Variants in HTR2C observed in about 807,000 individuals in gnomAD.
The protein encoded by HTR2C is 5-hydroxytryptamine (serotonin) receptor 2C, G protein-coupled.
A neutral mutation model predicts 21.0 loss-of-function variants in HTR2C; 5 were observed. The observed-to-expected ratio is 0.24, with a 90% confidence interval of 0.12 to 0.50. The LOEUF (loss-of-function observed/expected upper bound fraction) is 0.50. Among genes scored for constraint, HTR2C ranks in the 20% least tolerant of loss-of-function variants. The pLI is 0.98. For missense variants in HTR2C, 271 were observed against 371.2 expected (o/e 0.73, Z 2.22); for synonymous variants, 150 against 145.3 (o/e 1.03, Z -0.23).
chrX:114,690,029 A>G (rs1170408357), intron 2 of HTR2C, among the ~76,000 whole-genome samples: 1 of 111,858 alleles, frequency 8.9e-6, no homozygotes, highest in Non-Finnish European at 1.9e-5. Flanking sequence ...TAATAGGAAC[A>G]GCAATGCTGA....
intron 4 of HTR2C, among the ~76,000 whole-genome samples, chrX:114,829,057 A>C (rs941496929): frequency 1.8e-5 from 2 of 111,807 alleles, no homozygotes; most frequent in African/African-American, 6.5e-5. Flanking sequence ...TACTTGCTTG[A>C]GTATCTATAA....
chrX:114,687,626 A>G (rs782704146), intron 2 of HTR2C, among the ~76,000 whole-genome samples: 274 of 112,259 alleles, frequency 2.4e-3, no homozygotes, highest in African/African-American at 8.1e-3. Flanking sequence ...GCTTAATATG[A>G]TCTATAAAGT....
intron 2 of HTR2C, among the ~76,000 whole-genome samples, chrX:114,643,881 G>A (rs1930229153): frequency 9.0e-6 from 1 of 111,605 alleles, no homozygotes; most frequent in Admixed American, 9.5e-5. Context: ...AAGTTCTTCA[G>A]CCAGTGTTTT....
At chrX:114,743,582 A>C (rs2069672972) in intron 4 of HTR2C, among the ~76,000 whole-genome samples, 1 of 111,815 alleles carries the variant, frequency 8.9e-6, no homozygotes. Context: ...GAATAGAAAC[A>C]CTGAGGAAAA....
intron 4 of HTR2C, among the ~76,000 whole-genome samples, chrX:114,798,516 G>A (rs1556445912): frequency 1.8e-5 from 2 of 111,593 alleles, no homozygotes; most frequent in Non-Finnish European, 1.9e-5. Flanking sequence ...ATGCTTTAAT[G>A]TCTAAAGTGT....
At chrX:114,695,383 A>G (rs1932248602) in intron 2 of HTR2C, among the ~76,000 whole-genome samples, 1 of 111,658 alleles carries the variant, frequency 9.0e-6, no homozygotes, top group African/African-American at 3.3e-5. Flanking sequence ...ATGAGTAGAG[A>G]CAAGAAACAA....
intron 5 of HTR2C, among the ~76,000 whole-genome samples, chrX:114,883,369 G>C (rs1224708541): frequency 4.5e-5 from 5 of 110,184 alleles, no homozygotes; most frequent in Non-Finnish European, 9.6e-5. Context: ...CTTTTCAAGA[G>C]TCAGCTTTAT....
At chrX:114,741,676 A>T (rs1322876168) in intron 4 of HTR2C, among the ~76,000 whole-genome samples, 1 of 104,098 alleles carries the variant, frequency 9.6e-6, no homozygotes, top group Admixed American at 1.1e-4. Context: ...ATGTGGGAAC[A>T]TTCAAACATT....
intron 4 of HTR2C, among the ~76,000 whole-genome samples, chrX:114,813,066 TA>T (rs1485304874): frequency 9.0e-6 from 1 of 111,709 alleles, no homozygotes; most frequent in African/African-American, 3.2e-5. Flanking sequence ...TTTGCACTCA[TA>T]AAAATAGTCA....
chrX:114,896,770 A>G (rs149161321), intron 5 of HTR2C, among the ~76,000 whole-genome samples: 1,443 of 111,961 alleles, frequency 0.013, 23 homozygotes, highest in Admixed American at 0.075. Flanking sequence ...ACAACTGATC[A>G]TCTTTCTCTT....
At chrX:114,729,508 A>G (rs782734273) in intron 3 of HTR2C, among the ~76,000 whole-genome samples, 1 of 111,855 alleles carries the variant, frequency 8.9e-6, no homozygotes, top group South Asian at 3.7e-4. Flanking sequence ...GAGAGCGAAT[A>G]ACTTGCTTCT....
At chrX:114,652,485 T>C (rs1190168813) in intron 2 of HTR2C, among the ~76,000 whole-genome samples, 1 of 109,859 alleles carries the variant, frequency 9.1e-6, no homozygotes, top group African/African-American at 3.3e-5. Context: ...ATAAATGGAA[T>C]AGAGGTGGGA....
intron 5 of HTR2C, among the ~76,000 whole-genome samples, chrX:114,862,010 CT>C (rs1556473098): frequency 9.1e-6 from 1 of 110,290 alleles, no homozygotes; most frequent in East Asian, 2.9e-4. Flanking sequence ...TTTATTTTTG[CT>C]TTTGTAGCCT....
At chrX:114,769,618 A>C (rs2069980057) in intron 4 of HTR2C, among the ~76,000 whole-genome samples, 1 of 111,403 alleles carries the variant, frequency 9.0e-6, no homozygotes, top group African/African-American at 3.2e-5. Flanking sequence ...TATAATATGC[A>C]TCTTAATTTG....
intron 2 of HTR2C, among the ~76,000 whole-genome samples, chrX:114,682,251 G>A (rs1238931805): frequency 9.0e-6 from 1 of 111,038 alleles, no homozygotes; most frequent in African/African-American, 3.3e-5. Flanking sequence ...AAGCATTAAT[G>A]GAAGAAAGAT....
intron 4 of HTR2C, among the ~76,000 whole-genome samples, chrX:114,759,166 A>C (rs1556431454): frequency 8.9e-6 from 1 of 111,824 alleles, no homozygotes; most frequent in African/African-American, 3.2e-5. Context: ...CCTCTTTTAT[A>C]TTCCTAGGGC....
intron 5 of HTR2C, among the ~76,000 whole-genome samples, chrX:114,898,807 T>C (rs1186280878): frequency 8.9e-6 from 1 of 111,797 alleles, no homozygotes; most frequent in Non-Finnish European, 1.9e-5. Context: ...CCGAATAGTA[T>C]AGTTTGAAGT....
intron 1 of HTR2C, among the ~76,000 whole-genome samples, chrX:114,610,986 G>A (rs1212192079): frequency 9.0e-6 from 1 of 111,716 alleles, no homozygotes; most frequent in Non-Finnish European, 1.9e-5. Flanking sequence ...ACACTAAAAC[G>A]TTAGAGACCT....
intron 2 of HTR2C, among the ~76,000 whole-genome samples, chrX:114,666,498 G>A (rs920587333): frequency 9.0e-6 from 1 of 111,482 alleles, no homozygotes; most frequent in Non-Finnish European, 1.9e-5. Context: ...TCATATTAAT[G>A]TTGTCAAGGT....
Sources: gnomAD v4.1 joint callset for allele counts (sites outside exome capture counted in the v4.1 genomes callset) on GRCh38, gnomAD v4.1.1 for gene constraint, MANE v1.5 for transcripts, NCBI Gene and HGNC (gene_info 2026-07-23, HGNC 2026-07-21) for gene names.